The following CLDN16 variants were observed in gnomAD, a reference collection of about 807,000 sequenced individuals.
The protein encoded by CLDN16 is claudin 16.
In CLDN16, 13 loss-of-function variants were observed where a neutral mutation model predicts 24.6. The ratio of observed to expected loss-of-function variants is 0.53; its 90% CI spans 0.34 to 0.84. The LOEUF (loss-of-function observed/expected upper bound fraction) is 0.84, where lower values mean the gene tolerates loss of function less well. Ranked by LOEUF, CLDN16 falls within the 40% of genes least tolerant of loss-of-function variation. CLDN16 has a pLI of 0.01. For missense variants in CLDN16, 298 were observed against 292.7 expected (o/e 1.02, Z -0.13); for synonymous variants, 116 against 106.7 (o/e 1.09, Z -0.54).
chr3:190,373,389 C>T (rs1388741620), intron 2 of CLDN16, among the ~76,000 whole-genome samples: 1 of 151,904 alleles, frequency 6.6e-6, no homozygotes, highest in African/African-American at 2.4e-5. Flanking sequence ...TTTCATTAAT[C>T]ATACAAGCTA....
chr3:190,312,842 A>C, the CLDN16 span: 3 of 1,610,908 alleles, frequency 1.9e-6, no homozygotes, highest in Non-Finnish European at 2.5e-6. Context: ...ACAGGTTAGT[A>C]AGGTGAAAGG....
chr3:190,307,006 A>G, the CLDN16 span: 1 of 152,658 alleles, frequency 6.6e-6, no homozygotes, highest in Non-Finnish European at 1.5e-5. Flanking sequence ...TGACTTCTTC[A>G]GTGTCTCAGC....
the CLDN16 span, among the ~76,000 whole-genome samples, chr3:190,311,828 A>G: frequency 6.6e-6 from 1 of 151,924 alleles, no homozygotes; most frequent in African/African-American, 2.4e-5. Flanking sequence ...AATTTTTTAA[A>G]TAGGCATTAT....
the CLDN16 span, among the ~76,000 whole-genome samples, chr3:190,313,379 G>A: frequency 6.6e-6 from 1 of 152,078 alleles, no homozygotes; most frequent in Non-Finnish European, 1.5e-5. Context: ...TTTCATCCTT[G>A]CTAAGATAAT....
At chr3:190,356,090 T>A (rs1468908084) in intron 1 of CLDN16, among the ~76,000 whole-genome samples, 1 of 151,692 alleles carries the variant, frequency 6.6e-6, no homozygotes, top group Non-Finnish European at 1.5e-5. Flanking sequence ...TTGAGGAAAA[T>A]CAATATGATT....
chr3:190,302,688 T>C, the CLDN16 span, among the ~76,000 whole-genome samples: 1 of 151,738 alleles, frequency 6.6e-6, no homozygotes, highest in Non-Finnish European at 1.5e-5. Flanking sequence ...GGAGAATTGC[T>C]TGAGTCTGGG....
intron 1 of CLDN16, among the ~76,000 whole-genome samples, chr3:190,343,799 G>A (rs549757689): frequency 1.3e-5 from 2 of 152,086 alleles, no homozygotes; most frequent in Non-Finnish European, 2.9e-5. Flanking sequence ...ATAAAACAGT[G>A]GTTATCAGAG....
At chr3:190,306,327 C>T in the CLDN16 span, 1 of 152,236 alleles carries the variant, frequency 6.6e-6, no homozygotes, top group Admixed American at 6.5e-5. Flanking sequence ...TTAGTGCACT[C>T]AATTTTACTT....
chr3:190,326,608 G>A (rs2108620166), intron 1 of CLDN16, among the ~76,000 whole-genome samples: 1 of 152,298 alleles, frequency 6.6e-6, no homozygotes, highest in Non-Finnish European at 1.5e-5. Context: ...GACTCCCACA[G>A]ATCTGCAAGA....
At chr3:190,388,505 C>G in intron 1 of CLDN16, 62 bp downstream of exon 1, 1 of 1,344,830 alleles carries the variant, frequency 7.4e-7, no homozygotes, top group Non-Finnish European at 1.1e-6. Context: ...TAAGTCCCAA[C>G]TGCCATGTAC....
At chr3:190,294,034 G>T in the CLDN16 span, among the ~76,000 whole-genome samples, 351 of 152,294 alleles carry the variant, frequency 2.3e-3, 3 homozygotes, top group African/African-American at 8.0e-3. Context: ...GATGAGTTTT[G>T]GTTGAAAAGT....
intron 1 of CLDN16, among the ~76,000 whole-genome samples, chr3:190,355,045 T>C (rs1057161576): frequency 6.6e-6 from 1 of 152,056 alleles, no homozygotes; most frequent in Non-Finnish European, 1.5e-5. Flanking sequence ...TATATTCATC[T>C]GAAGAAAAGT....
At chr3:190,407,545 CA>C (rs1719137081) in intron 3 of CLDN16, among the ~76,000 whole-genome samples, 1 of 152,158 alleles carries the variant, frequency 6.6e-6, no homozygotes, top group Non-Finnish European at 1.5e-5. Flanking sequence ...TCCTCCAACT[CA>C]CCACATTTCT....
At chr3:190,408,629 A>C in intron 4 of CLDN16, 124 bp downstream of exon 4, 1 of 899,632 alleles carries the variant, frequency 1.1e-6, no homozygotes, top group Non-Finnish European at 1.7e-6. Flanking sequence ...GCCATTAAAA[A>C]TTCCAATTGT....
At chr3:190,371,249 T>C (rs1435049685) in intron 2 of CLDN16, among the ~76,000 whole-genome samples, 1 of 151,420 alleles carries the variant, frequency 6.6e-6, no homozygotes, top group Non-Finnish European at 1.5e-5. Flanking sequence ...AATCTATTAG[T>C]TCTGTCCCTT....
intron 3 of CLDN16, among the ~76,000 whole-genome samples, chr3:190,382,905 A>T (rs539909309): frequency 6.6e-6 from 1 of 152,252 alleles, no homozygotes; most frequent in South Asian, 2.1e-4. Flanking sequence ...CTTTATCTTA[A>T]ATAGTGGTAC....
At chr3:190,323,972 G>GTAC (rs563852855) in intron 1 of CLDN16, among the ~76,000 whole-genome samples, 119 of 152,248 alleles carry the variant, frequency 7.8e-4, no homozygotes, top group African/African-American at 2.7e-3. Context: ...CCTGCAGTCA[G>GTAC]TACTACTGTC....
upstream of CLDN16, chr3:190,322,365 C>A (rs1440373280): frequency 1.4e-6 from 1 of 723,218 alleles, no homozygotes. Flanking sequence ...AGCTCTGGGT[C>A]GGGGTTGGGG....
At chr3:190,305,826 T>A in the CLDN16 span, 1 of 152,214 alleles carries the variant, frequency 6.6e-6, no homozygotes, top group East Asian at 1.9e-4. Flanking sequence ...TATAAAAAGA[T>A]CAAAATTGGA....
Sources: gnomAD v4.1 joint callset for allele counts (sites outside exome capture counted in the v4.1 genomes callset) on GRCh38, gnomAD v4.1.1 for gene constraint, MANE v1.5 for transcripts, NCBI Gene and HGNC (gene_info 2026-07-23, HGNC 2026-07-21) for gene names.